The following KIAA0319L variants were observed in gnomAD, a reference collection of about 807,000 sequenced individuals.
KIAA0319L encodes KIAA0319 like, also known as dyslexia-associated protein KIAA0319-like protein.
In KIAA0319L, 55 loss-of-function variants were observed where a neutral mutation model predicts 120.1. The ratio of observed to expected loss-of-function variants is 0.46; its 90% CI spans 0.37 to 0.57. The LOEUF is 0.57. KIAA0319L is among the 20% of genes least tolerant of loss of function. The probability of loss-of-function intolerance (pLI) is 0.00; values close to 1 mark genes in which losing one functional copy is unlikely to be tolerated. For missense variants in KIAA0319L, 1,049 were observed against 1,255.3 expected, an observed-to-expected ratio of 0.84 and a Z score of 2.48; for synonymous variants, 398 against 471.9, an observed-to-expected ratio of 0.84 and a Z score of 2.03.
intron 3 of KIAA0319L, among the ~76,000 whole-genome samples, chr1:35,489,726 G>T (rs993118188): frequency 6.7e-6 from 1 of 150,044 alleles, no homozygotes; most frequent in Admixed American, 6.6e-5. Flanking sequence ...GGGTGCAGTG[G>T]TGCAATCTCC....
intron 7 of KIAA0319L, among the ~76,000 whole-genome samples, chr1:35,465,978 T>A (rs934639513): frequency 6.6e-6 from 1 of 152,204 alleles, no homozygotes; most frequent in Admixed American, 6.5e-5. Flanking sequence ...TGTAAGTCCA[T>A]TAAACCTCTT....
chr1:35,538,031 C>A lies in KIAA0319L; in HGVS notation c.142+16319G>T, dbSNP rs185248311. Among the ~76,000 whole-genome samples the A allele has an allele frequency of 3.3e-3, 500 of 152,230 alleles. 2 individuals are homozygous for A. Among genetic ancestry groups the A allele is most frequent in the Non-Finnish European group, 4.6e-3 (316 of 68,012 alleles). On this transcript the variant is annotated intron_variant, in intron 2 of 20. Transcript: ENST00000325722. ...AGGGATTAGAACATCCCATGTCTTACCAGCCTGCTATAAAACAGGGTTCAG... is the reference window on the plus strand; with the variant it reads ...AGGGATTAGAACATCCCATGTCTTAACAGCCTGCTATAAAACAGGGTTCAG...
intron 9 of KIAA0319L, among the ~76,000 whole-genome samples, chr1:35,457,933 TTTTTG>T (rs1281360422): frequency 6.6e-6 from 1 of 152,082 alleles, no homozygotes; most frequent in Non-Finnish European, 1.5e-5. Context: ...GGTTTGGGTT[TTTTTG>T]TTTTGTTTTT....
intron 9 of KIAA0319L, among the ~76,000 whole-genome samples, chr1:35,457,858 A>G (rs1317421188): frequency 6.6e-6 from 1 of 152,250 alleles, no homozygotes; most frequent in African/African-American, 2.4e-5. Context: ...CAATCAGCAG[A>G]TATCTGAAAA....
chr1:35,486,322 TGCAGTGA>T (rs1644382748), intron 3 of KIAA0319L, among the ~76,000 whole-genome samples: 5 of 137,474 alleles, frequency 3.6e-5, no homozygotes, highest in Non-Finnish European at 7.6e-5. Flanking sequence ...AAGTCAAGGC[TGCAGTGA>T]GCCATGATCA....
chr1:35,440,976 G>A (rs1641165949), intron 20 of KIAA0319L, 71 bp downstream of exon 20: 1 of 1,151,124 alleles, frequency 8.7e-7, no homozygotes, highest in Non-Finnish European at 1.3e-6. Context: ...ACACTCAGGA[G>A]GGGCTAGTGA....
intron 2 of KIAA0319L, among the ~76,000 whole-genome samples, chr1:35,535,425 C>A (rs1646537567): frequency 6.6e-6 from 1 of 152,134 alleles, no homozygotes; most frequent in Non-Finnish European, 1.5e-5. Context: ...GGCCCCCACC[C>A]CAAAAATCTG....
intron 2 of KIAA0319L, among the ~76,000 whole-genome samples, chr1:35,516,535 T>C (rs549440429): frequency 6.6e-6 from 1 of 152,292 alleles, no homozygotes; most frequent in South Asian, 2.1e-4. Context: ...AAACTAGATA[T>C]TGAAGGAACA....
chr1:35,478,843 A>T (rs1236123139), intron 4 of KIAA0319L, 123 bp downstream of exon 4: 2 of 1,164,184 alleles, frequency 1.7e-6, no homozygotes, highest in Non-Finnish European at 2.4e-6. Flanking sequence ...GCAATGACAG[A>T]GTTATTTTTT....
intron 5 of KIAA0319L, among the ~76,000 whole-genome samples, chr1:35,473,741 C>T (rs766580847): frequency 1.3e-5 from 2 of 152,156 alleles, no homozygotes; most frequent in Non-Finnish European, 2.9e-5. Flanking sequence ...CATTAATATG[C>T]TATTTGGTAT....
intron 2 of KIAA0319L, among the ~76,000 whole-genome samples, chr1:35,518,692 C>T (rs1018130691): frequency 7.2e-5 from 11 of 152,062 alleles, no homozygotes; most frequent in Middle Eastern, 3.4e-3. Context: ...TCAGATGTGC[C>T]CCCGAACCTA....
chr1:35,448,786 A>C (rs145007596), intron 15 of KIAA0319L, among the ~76,000 whole-genome samples: 198 of 152,292 alleles, frequency 1.3e-3, no homozygotes, highest in African/African-American at 4.4e-3. Context: ...GTCCATCTCA[A>C]CAACCTCCTC....
chr1:35,515,270 C>T (rs1645633221), intron 2 of KIAA0319L, among the ~76,000 whole-genome samples: 1 of 151,190 alleles, frequency 6.6e-6, no homozygotes, highest in Non-Finnish European at 1.5e-5. Context: ...TGAGATCGTG[C>T]CATTGCACTC....
At chr1:35,472,830 C>T (rs927819280) in intron 5 of KIAA0319L, among the ~76,000 whole-genome samples, 2 of 151,382 alleles carry the variant, frequency 1.3e-5, no homozygotes, top group Non-Finnish European at 2.9e-5. Flanking sequence ...TCTCTGCCAC[C>T]CAGGCTGGAG....
intron 2 of KIAA0319L, among the ~76,000 whole-genome samples, chr1:35,515,309 T>A (rs1467805466): frequency 2.3e-5 from 3 of 129,196 alleles, no homozygotes; most frequent in African/African-American, 8.8e-5. Flanking sequence ...TGAAACTCCA[T>A]CTCAAAAAAA....
At chr1:35,496,106 T>G (rs1255834892) in intron 3 of KIAA0319L, among the ~76,000 whole-genome samples, 3 of 152,146 alleles carry the variant, frequency 2.0e-5, no homozygotes, top group Admixed American at 2.0e-4. Context: ...TTGGGCAGTT[T>G]GATAAAAAGT....
At position 35,477,897 on chromosome 1, in the gene KIAA0319L, C is replaced by A. The variant is rs900890469; in HGVS notation, c.913+1069G>T. Among the ~76,000 whole-genome samples the A allele has an allele frequency of 2.6e-5, 4 of 152,230 alleles. No individual in the cohort carries two copies. In the South Asian group the frequency reaches 6.2e-4, roughly 24 times the overall value. On this transcript the variant is annotated intron_variant, in intron 4 of 20. Coordinates refer to ENST00000325722, the MANE Select transcript of KIAA0319L (RefSeq NM_024874.5). ...ACCATGTGACTCAATAATCCCACTG[C>A]TGGGTCTATACCCAAAAGAAAGGAA...
rs1645006431 is a variant in KIAA0319L at position 35,501,581 on chromosome 1, C to T, written c.666+5031G>A. On this transcript the variant is annotated intron_variant, in intron 3 of 20. Coordinates refer to ENST00000325722, the MANE Select transcript of KIAA0319L (RefSeq NM_024874.5). ...TACCTGAACAGTAAGAAAGGACAGG[C>T]CAGTAAGAGGACAGGCCAGGCGTGG... Among the ~76,000 whole-genome samples, 4 of 152,158 alleles carry T rather than the reference C, an allele frequency of 2.6e-5. No homozygotes were observed. In the South Asian group the frequency reaches 8.3e-4, roughly 32 times the overall value.
At chr1:35,554,605 AT>A (rs1647656335) in intron 1 of KIAA0319L, 86 bp from the exon 2 acceptor site, 2 of 982,332 alleles carry the variant, frequency 2.0e-6, no homozygotes, top group Non-Finnish European at 2.9e-6. Context: ...AATATGACAG[AT>A]TAGGGGAAAG....
Sources: gnomAD v4.1 joint callset for allele counts (sites outside exome capture counted in the v4.1 genomes callset) on GRCh38, gnomAD v4.1.1 for gene constraint, MANE v1.5 for transcripts, NCBI Gene and HGNC (gene_info 2026-07-23, HGNC 2026-07-21) for gene names.